GMEB1: variants seen among roughly 807,000 people sequenced by gnomAD.
The protein encoded by GMEB1 is glucocorticoid modulatory element-binding protein 1.
A neutral mutation model predicts 52.4 loss-of-function variants in GMEB1; 6 were observed. The observed-to-expected ratio is 0.11, with a 90% CI of 0.06 to 0.23. The LOEUF is 0.23. Ranked by LOEUF, GMEB1 falls within the 10% of genes least tolerant of loss-of-function variation. The probability of loss-of-function intolerance (pLI) is 1.00; values close to 1 mark genes in which losing one functional copy is unlikely to be tolerated. For missense variants in GMEB1, 486 were observed against 685.6 expected (o/e 0.71, Z 3.25); for synonymous variants, 255 against 244.9 (o/e 1.04, Z -0.38).
rs191856065 is a variant in GMEB1, at chr1:28,690,381, C to T, written c.211+195C>T. Among the ~76,000 whole-genome samples, 9 of 151,776 alleles carry T rather than the reference C, an allele frequency of 5.9e-5. No individual in the cohort carries two copies. The East Asian group carries it at 1.5e-3, about 26-fold the overall frequency. ...ACACCACTGACTAAGATGCTAGGGTCGTCAGTTGGTTGGTTAATGTCAATT... is the reference window on the plus strand; with the variant it reads ...ACACCACTGACTAAGATGCTAGGGTTGTCAGTTGGTTGGTTAATGTCAATT... On this transcript the variant is annotated intron_variant, in intron 3 of 9. Coordinates refer to ENST00000373816, the MANE Select transcript of GMEB1 (RefSeq NM_001319674.2).
chr1:28,678,459 G>A (rs1181866342), intron 1 of GMEB1, among the ~76,000 whole-genome samples: 1 of 151,832 alleles, frequency 6.6e-6, no homozygotes, highest in African/African-American at 2.4e-5. Context: ...ACAGGGGCCC[G>A]CCATCGCGCC....
intron 8 of GMEB1, among the ~76,000 whole-genome samples, chr1:28,709,508 T>A (rs1006259287): frequency 6.6e-6 from 1 of 152,012 alleles, no homozygotes; most frequent in East Asian, 1.9e-4. Flanking sequence ...GAACGTTAAC[T>A]CTATCTAGTA....
chr1:28,683,840 C>A, intron 2 of GMEB1, 100 bp downstream of exon 2: 1 of 1,130,670 alleles, frequency 8.8e-7, no homozygotes, highest in East Asian at 2.4e-5. Context: ...GAACATTTAA[C>A]ATCAATCAGA....
chr1:28,691,371 A>T (rs1669954726), intron 3 of GMEB1, among the ~76,000 whole-genome samples: 1 of 152,166 alleles, frequency 6.6e-6, no homozygotes, highest in Non-Finnish European at 1.5e-5. Flanking sequence ...ACTAAACAAG[A>T]TTATGTGTGT....
intron 1 of GMEB1, among the ~76,000 whole-genome samples, chr1:28,672,936 C>T (rs1668969086): frequency 6.6e-6 from 1 of 150,726 alleles, no homozygotes; most frequent in Non-Finnish European, 1.5e-5. Flanking sequence ...GCTCTTGTTG[C>T]CCAGGCTGGA....
intron 9 of GMEB1, among the ~76,000 whole-genome samples, chr1:28,712,157 T>C (rs1486176775): frequency 1.3e-5 from 2 of 152,164 alleles, no homozygotes; most frequent in African/African-American, 4.8e-5. Context: ...TCAATGTTTA[T>C]TGGGTTTATT....
At position 28,687,366 on chromosome 1, in the gene GMEB1, ACACACAC is replaced by A. The variant is rs1465586059; in HGVS notation, c.129-2737_129-2731del. Among the ~76,000 whole-genome samples, 32 of 62,526 alleles carry A rather than the reference ACACACAC, an allele frequency of 5.1e-4. 1 individual carries two copies. Among genetic ancestry groups the A allele is most frequent in the African/African-American group, 1.5e-3 (25 of 17,068 alleles). The allele number at this position is 62,526 out of a possible 152,430, so 41.0% of individuals were successfully genotyped here. On this transcript the variant is annotated intron_variant, in intron 2 of 9. Coordinates refer to ENST00000373816, the MANE Select transcript of GMEB1 (RefSeq NM_001319674.2). ...CACACACACACACACACACACACAC[ACACACAC>A]ACACACACACACACAAAAAAAGACA...
At chr1:28,687,906 G>T (rs1669762099) in intron 2 of GMEB1, among the ~76,000 whole-genome samples, 2 of 151,922 alleles carry the variant, frequency 1.3e-5, no homozygotes, top group Admixed American at 6.6e-5. Flanking sequence ...ATAGGAAGAA[G>T]AATAGTTTGA....
At chr1:28,676,946 C>A (rs1669178682) in intron 1 of GMEB1, among the ~76,000 whole-genome samples, 1 of 151,516 alleles carries the variant, frequency 6.6e-6, no homozygotes, top group African/African-American at 2.4e-5. Context: ...CTCAGCTACT[C>A]TGGAGGCTGA....
In GMEB1 at chr1:28,714,767, G is replaced by A. The variant is rs1204514946; in HGVS notation, c.1686G>A (p.Glu562=). 1 of 1,597,424 alleles carries A rather than the reference G, an allele frequency of 6.3e-7. No homozygotes were observed. Among genetic ancestry groups the A allele is most frequent in the South Asian group, 1.1e-5 (1 of 90,748 alleles). Residue 562 remains glutamate, a synonymous_variant, in exon 10 of 10, where the codon GAG becomes GAA. Coordinates refer to ENST00000373816, the MANE Select transcript of GMEB1 (RefSeq NM_001319674.2). ...QVHNVEIVVL[E]D Reference sequence around the variant, plus strand: ...ACAATGTGGAGATTGTGGTCTTAGAGGATTAACTGGGGATCTCAGGGCCAG... The same window carrying A: ...ACAATGTGGAGATTGTGGTCTTAGAAGATTAACTGGGGATCTCAGGGCCAG...
chr1:28,688,004 G>T (rs1371230336), intron 2 of GMEB1, among the ~76,000 whole-genome samples: 1 of 152,156 alleles, frequency 6.6e-6, no homozygotes, highest in East Asian at 1.9e-4. Context: ...TATTTATTTG[G>T]CTGGGCACGG....
At chr1:28,695,676 C>T (rs1034766508) in intron 5 of GMEB1, among the ~76,000 whole-genome samples, 4 of 149,998 alleles carry the variant, frequency 2.7e-5, no homozygotes, top group East Asian at 2.0e-4. Flanking sequence ...CGGTGGCTCA[C>T]GCCTGTAATC....
At chr1:28,688,793 C>T (rs1031571036) in intron 2 of GMEB1, among the ~76,000 whole-genome samples, 14 of 151,920 alleles carry the variant, frequency 9.2e-5, no homozygotes, top group African/African-American at 3.4e-4. Flanking sequence ...CTTCCTATCT[C>T]AAACTATCTG....
intron 1 of GMEB1, 43 bp downstream of exon 1, chr1:28,668,882 G>T (rs1668731345): frequency 6.9e-6 from 1 of 144,558 alleles, no homozygotes; most frequent in Admixed American, 6.8e-5. Flanking sequence ...GGGGTGGGGT[G>T]GGGGCGGGGG....
At chr1:28,682,392 G>T (rs1230567037) in intron 1 of GMEB1, among the ~76,000 whole-genome samples, 1 of 152,022 alleles carries the variant, frequency 6.6e-6, no homozygotes, top group Non-Finnish European at 1.5e-5. Context: ...GGCTGAGACG[G>T]GTGGATCATT....
chr1:28,713,270 A>G (rs565577100), intron 9 of GMEB1, among the ~76,000 whole-genome samples: 2 of 152,302 alleles, frequency 1.3e-5, no homozygotes, highest in East Asian at 1.9e-4. Flanking sequence ...ATATCACAAT[A>G]TCACACATAG....
intron 1 of GMEB1, among the ~76,000 whole-genome samples, chr1:28,678,579 G>A (rs147105249): frequency 6.6e-6 from 1 of 152,022 alleles, no homozygotes; most frequent in Non-Finnish European, 1.5e-5. Flanking sequence ...AAAGTGCTGG[G>A]ATTACAGGTG....
intron 1 of GMEB1, among the ~76,000 whole-genome samples, chr1:28,682,255 G>A (rs965397310): frequency 2.0e-5 from 3 of 152,030 alleles, no homozygotes. Context: ...GGTGCTGGAC[G>A]TTGGTTTCCT....
chr1:28,678,476 A>C (rs540236915), intron 1 of GMEB1, among the ~76,000 whole-genome samples: 2 of 151,734 alleles, frequency 1.3e-5, no homozygotes, highest in African/African-American at 4.8e-5. Context: ...CGCCTGGCTA[A>C]TTTTTTGTAT....
Sources: allele counts gnomAD v4.1 joint callset (sites outside exome capture counted in the v4.1 genomes callset), GRCh38; gene constraint gnomAD v4.1.1; transcripts MANE v1.5; gene names NCBI Gene and HGNC (gene_info 2026-07-23, HGNC 2026-07-21).